The following ATP2B2 variants were observed in gnomAD, a reference collection of about 807,000 sequenced individuals.
The protein encoded by ATP2B2 is ATPase plasma membrane Ca2+ transporting 2, also known as plasma membrane calcium-transporting ATPase 2.
ATP2B2 carries 15 observed loss-of-function variants against 120.0 expected under a neutral mutation model. The observed-to-expected ratio is 0.12, with a 90% CI of 0.08 to 0.19. ATP2B2 has a LOEUF of 0.19. Among genes scored for constraint, ATP2B2 ranks in the 10% least tolerant of loss-of-function variants. The pLI is 1.00. For synonymous variants in ATP2B2, 694 were observed against 700.3 expected, an observed-to-expected ratio of 0.99 and a Z score of 0.14; for missense variants, 1,045 against 1,719.8, an observed-to-expected ratio of 0.61 and a Z score of 6.94.
At chr3:10,591,764 G>A (rs866910455) in intron 2 of ATP2B2, among the ~76,000 whole-genome samples, 3 of 152,176 alleles carry the variant, frequency 2.0e-5, no homozygotes, top group African/African-American at 7.2e-5. Context: ...AAATTGGTCC[G>A]ATCCCAGACG....
intron 2 of ATP2B2, among the ~76,000 whole-genome samples, chr3:10,608,580 C>T (rs1398285372): frequency 1.3e-5 from 2 of 152,242 alleles, no homozygotes; most frequent in African/African-American, 4.8e-5. Flanking sequence ...AGCCCGTCAC[C>T]ACATACGATC....
chr3:10,539,802 G>GTT, intron 2 of ATP2B2, among the ~76,000 whole-genome samples: 1 of 152,172 alleles, frequency 6.6e-6, no homozygotes, highest in Non-Finnish European at 1.5e-5. Context: ...CAGGACACAG[G>GTT]CATGGGCAAG....
intron 22 of ATP2B2, among the ~76,000 whole-genome samples, chr3:10,334,043 G>A (rs1365558646): frequency 6.6e-6 from 1 of 152,248 alleles, no homozygotes; most frequent in Non-Finnish European, 1.5e-5. Context: ...TGCAAATGAG[G>A]CAGAAGAAAA....
At chr3:10,573,952 T>C (rs2125548905) in intron 2 of ATP2B2, among the ~76,000 whole-genome samples, 1 of 152,258 alleles carries the variant, frequency 6.6e-6, no homozygotes, top group Middle Eastern at 3.4e-3. Flanking sequence ...TCCCCAAACA[T>C]TCACTCAGCA....
chr3:10,683,760 G>GTGTGTATAGATATATA (rs1446781892), intron 1 of ATP2B2, among the ~76,000 whole-genome samples: 1 of 53,888 alleles, frequency 1.9e-5, no homozygotes, highest in Non-Finnish European at 3.8e-5. Flanking sequence ...GTGTGTGTGT[G>GTGTGTATAGATATATA]TATATATATA....
chr3:10,676,907 G>A (rs2071259792), intron 1 of ATP2B2, among the ~76,000 whole-genome samples: 1 of 152,238 alleles, frequency 6.6e-6, no homozygotes, highest in Non-Finnish European at 1.5e-5. Context: ...AACACTGACA[G>A]TACCAAATGC....
intron 1 of ATP2B2, among the ~76,000 whole-genome samples, chr3:10,685,512 G>C (rs936690313): frequency 6.6e-6 from 1 of 152,210 alleles, no homozygotes; most frequent in Non-Finnish European, 1.5e-5. Flanking sequence ...GAGAGAGAGA[G>C]AGAGTGTGTG....
intron 1 of ATP2B2, among the ~76,000 whole-genome samples, chr3:10,475,119 G>A (rs2065154514): frequency 6.6e-6 from 1 of 152,270 alleles, no homozygotes; most frequent in Non-Finnish European, 1.5e-5. Context: ...GCGTCAGCAC[G>A]AGGGGTGGCC....
intron 1 of ATP2B2, among the ~76,000 whole-genome samples, chr3:10,675,134 T>C (rs1435614356): frequency 1.3e-5 from 2 of 152,240 alleles, no homozygotes; most frequent in African/African-American, 4.8e-5. Context: ...GATTTGCTTG[T>C]AGTAAACATT....
In ATP2B2 at chr3:10,340,197, C is replaced by A; in HGVS notation, c.3237+45G>T. On this transcript the variant is annotated intron_variant, in intron 21 of 22. Transcript: ENST00000360273. The surrounding 1 kb of genome is among the most constrained non-coding windows in gnomAD (Gnocchi z 5.0). ...GGATTCTCCATCCAGTGCTGTCTCC[C>A]TTGCCCTGCTAACAGGCACCTCCTG... The A allele has an allele frequency of 6.3e-7, 1 of 1,584,232 alleles. No individual in the cohort carries two copies. The highest frequency in any genetic ancestry group is 1.1e-5 in the South Asian group (1 of 90,098).
At chr3:10,465,174 T>A (rs1286843391) in intron 1 of ATP2B2, among the ~76,000 whole-genome samples, 2 of 152,208 alleles carry the variant, frequency 1.3e-5, no homozygotes, top group Non-Finnish European at 2.9e-5. Context: ...TAGGTTCAAG[T>A]CCTGCCCAGA....
chr3:10,402,933 T>A lies in ATP2B2; in HGVS notation c.398-585A>T, dbSNP rs184716723. Among the ~76,000 whole-genome samples the A allele has an allele frequency of 6.6e-6, 1 of 151,868 alleles. No homozygotes were observed. Among genetic ancestry groups the A allele is most frequent in the Non-Finnish European group, 1.5e-5 (1 of 67,994 alleles). Reference sequence around the variant, plus strand: ...GAGAAAAGAGAGTAAGTGAGGTATTTTTCTTTTTTTCCAGAACAAAGGCAG... The same window carrying A: ...GAGAAAAGAGAGTAAGTGAGGTATTATTCTTTTTTTCCAGAACAAAGGCAG... On this transcript the variant is annotated intron_variant, in intron 3 of 22. Transcript: ENST00000360273. This position sits in a 1 kb window ranked among gnomAD's most constrained non-coding sequence, Gnocchi z 4.9.
intron 1 of ATP2B2, among the ~76,000 whole-genome samples, chr3:10,704,305 A>G (rs1464435484): frequency 6.6e-6 from 1 of 152,224 alleles, no homozygotes; most frequent in Non-Finnish European, 1.5e-5. Flanking sequence ...CAAGTGGCAT[A>G]TGGCAGGGGC....
intron 2 of ATP2B2, among the ~76,000 whole-genome samples, chr3:10,436,461 G>A (rs570613213): frequency 6.6e-6 from 1 of 152,206 alleles, no homozygotes; most frequent in Non-Finnish European, 1.5e-5. Context: ...CTGCAAAAGA[G>A]GATTCCCTCG....
At position 10,449,820 on chromosome 3, in the gene ATP2B2, T is replaced by C. The variant is rs947939376; in HGVS notation, c.-277A>G. 1 of 507,856 alleles carries C rather than the reference T, an allele frequency of 2.0e-6. No individual in the cohort carries two copies. The highest frequency in any genetic ancestry group is 3.6e-6 in the Non-Finnish European group (1 of 278,428). The allele number at this position is 507,856 out of a possible 1,614,324, so 31.5% of individuals were successfully genotyped here. On this transcript the variant is annotated 5_prime_UTR_variant, in exon 2 of 23. Coordinates refer to ENST00000360273, the MANE Select transcript of ATP2B2 (RefSeq NM_001001331.4). ...AGTCTCCATTCAGTGGGGCCCATGCTGCTCCCTGGAACTGGCATCTACATG... is the reference window on the plus strand; with the variant it reads ...AGTCTCCATTCAGTGGGGCCCATGCCGCTCCCTGGAACTGGCATCTACATG...
At chr3:10,448,283 C>T (rs377599297) in intron 2 of ATP2B2, among the ~76,000 whole-genome samples, 5 of 152,326 alleles carry the variant, frequency 3.3e-5, no homozygotes, top group East Asian at 1.9e-4. Flanking sequence ...TGCCCAGCCA[C>T]GCACTAGGCA....
chr3:10,574,204 T>A (rs910950959), intron 2 of ATP2B2, among the ~76,000 whole-genome samples: 1 of 152,186 alleles, frequency 6.6e-6, no homozygotes, highest in Non-Finnish European at 1.5e-5. Context: ...GGTTCCTGCC[T>A]CCCTCCGATG....
chr3:10,450,341 C>T (rs34867), intron 1 of ATP2B2, among the ~76,000 whole-genome samples: 99,885 of 151,748 alleles, frequency 0.66, 36,841 homozygotes, highest in Non-Finnish European at 0.82. Flanking sequence ...TCTCTCACTA[C>T]CCTTAACATG....
At chr3:10,354,847 C>G (rs953950680) in intron 14 of ATP2B2, among the ~76,000 whole-genome samples, 1 of 152,216 alleles carries the variant, frequency 6.6e-6, no homozygotes, top group African/African-American at 2.4e-5. Context: ...TCTGGCTGAG[C>G]CTCCTAGGCT....
Sources: gnomAD v4.1 joint callset for allele counts (sites outside exome capture counted in the v4.1 genomes callset) on GRCh38, gnomAD v4.1.1 for gene constraint, Gnocchi (gnomAD v3.1) non-coding constraint, MANE v1.5 for transcripts, NCBI Gene and HGNC (gene_info 2026-07-23, HGNC 2026-07-21) for gene names.